THBS3: variants seen among roughly 807,000 people sequenced by gnomAD.
The protein encoded by THBS3 is thrombospondin-3.
A neutral mutation model predicts 118.3 loss-of-function variants in THBS3; 78 were observed. That is an observed-to-expected ratio of 0.66 (90% CI 0.55 to 0.80). The LOEUF (loss-of-function observed/expected upper bound fraction) is 0.80. Among genes scored for constraint, THBS3 ranks in the 30% least tolerant of loss-of-function variants. THBS3 has a pLI of 0.00. For missense variants in THBS3, 1,057 were observed against 1,247.4 expected (o/e 0.85, Z 2.30); for synonymous variants, 427 against 475.3 (o/e 0.90, Z 1.32).
At chr1:155,200,178 G>A in intron 14 of THBS3, 65 bp from the exon 15 acceptor site, 1 of 1,415,468 alleles carries the variant, frequency 7.1e-7, no homozygotes, top group Non-Finnish European at 9.6e-7. Flanking sequence ...CTAGGTTGGT[G>A]AAAGTCCCGA....
intron 16 of THBS3, among the ~76,000 whole-genome samples, chr1:155,199,188 A>G (rs1192719152): frequency 1.3e-5 from 2 of 151,746 alleles, no homozygotes; most frequent in Non-Finnish European, 2.9e-5. Context: ...AGGCAGGCAA[A>G]TCACGAGATC....
chr1:155,201,736 G>T, intron 10 of THBS3, 167 bp from the exon 11 acceptor site: 2 of 986,070 alleles, frequency 2.0e-6, no homozygotes, highest in African/African-American at 1.6e-5. Flanking sequence ...AACAGCCTCA[G>T]TTTTCAGATG....
upstream of THBS3, chr1:155,208,819 A>AC (rs755845788): frequency 2.1e-4 from 321 of 1,547,194 alleles, no homozygotes; most frequent in South Asian, 8.3e-4. Flanking sequence ...TGCTCGGGGG[A>AC]CCCCCCCGCA....
intron 16 of THBS3, among the ~76,000 whole-genome samples, chr1:155,199,523 G>T (rs893395401): frequency 6.6e-6 from 1 of 152,144 alleles, no homozygotes; most frequent in Admixed American, 6.5e-5. Flanking sequence ...GGAGGCAGAG[G>T]CTGGCGGATC....
At position 155,200,978 on chromosome 1, in the gene THBS3, A is replaced by G. The variant is rs759034911; in HGVS notation, c.1467T>C (p.Ser489=). The change falls in exon 13 of 23, where the codon TCT becomes TCC. Residue 489 remains serine (S), a synonymous_variant. Transcript: ENST00000368378. Reference sequence around the variant, plus strand: ...CATCATTATCAGCATCTTCCTGCCCAGAGTTGGGTGTCAAAAGGCAGTTGT... The same window carrying G: ...CATCATTATCAGCATCTTCCTGCCCGGAGTTGGGTGTCAAAAGGCAGTTGT... ...KQDNCLLTPN[S]GQEDADNDGV... The G allele has an allele frequency of 1.2e-6, 2 of 1,614,170 alleles. No homozygotes were observed. The highest frequency in any genetic ancestry group is 8.5e-7 in the Non-Finnish European group (1 of 1,180,016).
chr1:155,208,656 A>T, upstream of THBS3: 1 of 843,132 alleles, frequency 1.2e-6, no homozygotes, highest in Non-Finnish European at 1.8e-6. Context: ...AGTTCCCGTC[A>T]CCTAAGCGAC....
chr1:155,198,333 C>A, intron 17 of THBS3, 76 bp downstream of exon 17: 1 of 1,587,644 alleles, frequency 6.3e-7, no homozygotes, highest in Non-Finnish European at 8.6e-7. Context: ...CCCTTCCTCA[C>A]TTCCCAACAG....
Position 155,198,416 on chromosome 1 carries a change from G to A in THBS3, c.2067C>T (p.Asp689=). Residue 689 remains aspartate (D), a synonymous_variant, in exon 17 of 23, where the codon GAC becomes GAT. Coordinates refer to ENST00000368378, the MANE Select transcript of THBS3 (RefSeq NM_007112.5). Reference sequence around the variant, plus strand: ...CTGGGTCCGCAGGCTTACCATCTGAGTCCTTCTGATTGGGATTGGGTACCA... The same window carrying A: ...CTGGGTCCGCAGGCTTACCATCTGAATCCTTCTGATTGGGATTGGGTACCA... The part of the protein sequence containing the change: ...CRLVPNPNQK[D]SDGNGVGDVC... 1 of 1,613,948 alleles carries A rather than the reference G, an allele frequency of 6.2e-7. No homozygotes were observed.
rs528773421 is a variant in THBS3 at position 155,196,891 on chromosome 1, A to T, written c.2672+150T>A. On this transcript the variant is annotated intron_variant, in intron 21 of 22. Transcript: ENST00000368378. ...ATGGAGGAGTGACTTCACCAACATCACTCATAGGTGCTTGTGTCCGTGGTG... is the reference window on the plus strand; with the variant it reads ...ATGGAGGAGTGACTTCACCAACATCTCTCATAGGTGCTTGTGTCCGTGGTG... 4.2e-6 allele frequency: 3 copies of T among 712,868 alleles called. No individual in the cohort carries two copies. The East Asian group carries it at 8.2e-5, about 19-fold the overall frequency. The allele number at this position is 712,868 out of a possible 1,614,324, so 44.2% of individuals were successfully genotyped here. A position where few individuals can be genotyped will look rare whatever the true frequency, so the allele number is the denominator to read the frequency against.
chr1:155,207,043 G>A (rs1298405155), intron 1 of THBS3, among the ~76,000 whole-genome samples: 4 of 152,140 alleles, frequency 2.6e-5, no homozygotes, highest in Non-Finnish European at 5.9e-5. Context: ...ATGCTGTGCT[G>A]ATCCCCCACA....
At chr1:155,208,927 C>A (rs1055156452), upstream of THBS3, 1 of 1,611,016 alleles carries the variant, frequency 6.2e-7, no homozygotes, top group African/African-American at 1.3e-5. Flanking sequence ...GCACAAGACC[C>A]CGCTCTCCAG....
At chr1:155,207,942 G>A, upstream of THBS3, 1 of 1,412,402 alleles carries the variant, frequency 7.1e-7, no homozygotes, top group Non-Finnish European at 9.6e-7. Flanking sequence ...TAGGCGGAGA[G>A]AGCAGGAGCC....
At position 155,198,407 on chromosome 1, in the gene THBS3, AC is replaced by A; in HGVS notation, c.2074+1del. The A allele has an allele frequency of 6.2e-7, 1 of 1,613,230 alleles. No homozygotes were observed. The highest frequency in any genetic ancestry group is 8.5e-7 in the Non-Finnish European group (1 of 1,179,298). On this transcript the variant is annotated splice_donor_variant, in intron 17 of 22. Transcript: ENST00000368378. LOFTEE classifies it high-confidence loss of function. ...TAACGTGCTCTGGGTCCGCAGGCTTACCATCTGAGTCCTTCTGATTGGGATT... is the reference window on the plus strand; with the variant it reads ...TAACGTGCTCTGGGTCCGCAGGCTTACATCTGAGTCCTTCTGATTGGGATT...
In THBS3 at chr1:155,203,078, C is replaced by T. The variant is rs745425571; in HGVS notation, c.808+8G>A. 1.2e-6 allele frequency: 2 copies of T among 1,614,168 alleles called. No individual in the cohort carries two copies. The highest frequency in any genetic ancestry group is 1.7e-5 in the Admixed American group (1 of 60,016). On this transcript the variant is annotated splice_region_variant and intron_variant, in intron 7 of 22. Transcript: ENST00000368378. ...GTCATGTGGAGCCTCCCCTGCTCTC[C>T]CACTCACCGCACACCTGACACTCCA...
Position 155,202,209 on chromosome 1 carries a change from CT to C in THBS3, c.1098+51del. On this transcript the variant is annotated intron_variant, in intron 9 of 22. Transcript: ENST00000368378. The surrounding 1 kb of genome is among the most constrained non-coding windows in gnomAD (Gnocchi z 5.5). ...GGTCCCATGTCCAACCCAGAAGCCC[CT>C]GGCCTCTACAAGGCCAAGATCCCTT... is the stretch of plus-strand genomic sequence containing the variant. The C allele has an allele frequency of 6.2e-7, 1 of 1,600,622 alleles. No homozygotes were observed. Among genetic ancestry groups the C allele is most frequent in the African/African-American group, 1.3e-5 (1 of 74,696 alleles).
In THBS3 at chr1:155,207,811, A is replaced by G. The variant is rs1213284383; in HGVS notation, c.66T>C (p.Ser22=). ...LLLLCFFTSA[S]QDLQVIDLLT... ...AGACAGGCTTACCCTGCAGATCCTG[A>G]CTGGCAGATGTGAAAAAGCAAAGGA... Residue 22 remains serine (S), a synonymous_variant, in exon 1 of 23, where the codon AGT becomes AGC. Coordinates refer to ENST00000368378, the MANE Select transcript of THBS3 (RefSeq NM_007112.5). The G allele has an allele frequency of 6.2e-7, 1 of 1,613,924 alleles. No individual in the cohort carries two copies. The highest frequency in any genetic ancestry group is 1.3e-5 in the African/African-American group (1 of 74,916).
chr1:155,206,470 G>A lies in THBS3; in HGVS notation c.80-64C>T, dbSNP rs547225273. 5.7e-4 allele frequency: 820 copies of A among 1,431,928 alleles called. 9 individuals carry two copies. The South Asian group carries it at 8.5e-3, about 15-fold the overall frequency. The allele number at this position is 1,431,928 out of a possible 1,614,324, so 88.7% of individuals were successfully genotyped here. On this transcript the variant is annotated intron_variant, in intron 1 of 22. Coordinates refer to ENST00000368378, the MANE Select transcript of THBS3 (RefSeq NM_007112.5). This position sits in a 1 kb window ranked among gnomAD's most constrained non-coding sequence, Gnocchi z 4.2. Reference sequence around the variant, plus strand: ...CAAATGCTAAGGTATGCCCTCCCCCGAGCCCACATCACCCCCTACCCCCAC... The same window carrying A: ...CAAATGCTAAGGTATGCCCTCCCCCAAGCCCACATCACCCCCTACCCCCAC...
chr1:155,196,291 T>TG (rs1668658637), intron 21 of THBS3, 165 bp from the exon 22 acceptor site: 1 of 844,208 alleles, frequency 1.2e-6, no homozygotes, highest in Non-Finnish European at 1.8e-6. Flanking sequence ...GGAAGGGGGG[T>TG]GCTTTTCTCA....
Position 155,202,890 on chromosome 1 carries a change from G to C in THBS3, c.879C>G (p.Tyr293Ter). The C allele has an allele frequency of 6.2e-7, 1 of 1,613,864 alleles. No homozygotes were observed. The highest frequency in any genetic ancestry group is 8.5e-7 in the Non-Finnish European group (1 of 1,180,024). Residue 293 changes from tyrosine (Y) to a stop codon, truncating the protein, a stop_gained, in exon 8 of 23, where the codon TAC (tyrosine) becomes TAG (stop). Coordinates refer to ENST00000368378, the MANE Select transcript of THBS3 (RefSeq NM_007112.5). LOFTEE classifies it high-confidence loss of function. The surrounding 1 kb of genome is among the most constrained non-coding windows in gnomAD (Gnocchi z 5.5). ...CFRGVDCMEV[Y>*]EYPGYRCGPC... ...GCCCACAGCGGTAGCCTGGGTACTC[G>C]TACACTTCCATGCAGTCCACACCTC...
Sources: allele counts gnomAD v4.1 joint callset (sites outside exome capture counted in the v4.1 genomes callset), GRCh38; gene constraint gnomAD v4.1.1; non-coding constraint Gnocchi (gnomAD v3.1); transcripts MANE v1.5; gene names NCBI Gene and HGNC (gene_info 2026-07-23, HGNC 2026-07-21).